ZNF143: variants seen among roughly 807,000 people sequenced by gnomAD.
ZNF143 encodes the protein SPH-binding factor.
Under a neutral mutation model 74.1 loss-of-function variants are expected in ZNF143, and 49 were observed. The observed-to-expected ratio is 0.66, with a 90% CI of 0.53 to 0.84. The LOEUF (loss-of-function observed/expected upper bound fraction) is 0.84. ZNF143 is among the 40% of genes least tolerant of loss of function. The pLI, the probability that ZNF143 is intolerant of heterozygous loss-of-function variation, is 0.00. For missense variants in ZNF143, 637 were observed against 793.4 expected, an observed-to-expected ratio of 0.80 and a Z score of 2.37; for synonymous variants, 304 against 282.8, an observed-to-expected ratio of 1.07 and a Z score of -0.75.
chr11:9,479,903 C>T (rs761183077), intron 7 of ZNF143, among the ~76,000 whole-genome samples: 3 of 152,222 alleles, frequency 2.0e-5, no homozygotes, highest in Non-Finnish European at 2.9e-5. Context: ...CATCATGACT[C>T]TTTCTAAATA....
intron 7 of ZNF143, 31 bp downstream of exon 7, chr11:9,479,577 C>T (rs1847158476): frequency 5.1e-6 from 8 of 1,577,622 alleles, no homozygotes; most frequent in Non-Finnish European, 6.9e-6. Flanking sequence ...ATATAAAAAT[C>T]TAGCTTAGCA....
At chr11:9,521,437 G>T (rs1010060128) in intron 14 of ZNF143, among the ~76,000 whole-genome samples, 3 of 152,070 alleles carry the variant, frequency 2.0e-5, no homozygotes, top group African/African-American at 7.2e-5. Context: ...AAAACAAGTT[G>T]GGAAGTGTTC....
At position 9,462,421 on chromosome 11, in the gene ZNF143, A is replaced by T. The variant is rs370827480; in HGVS notation, c.-8+1345A>T. On this transcript the variant is annotated intron_variant, in intron 1 of 15. Coordinates refer to ENST00000396602, the MANE Select transcript of ZNF143 (RefSeq NM_003442.6). The stretch of plus-strand genomic sequence containing the variant: ...GTTTCTACAAAAAAAATTTTTTTTA[A>T]GTGAAATCAGCGTGTGCCTGTAGTC... Among the ~76,000 whole-genome samples the T allele has an allele frequency of 1.6e-4, 24 of 152,166 alleles. No homozygotes were observed. In the East Asian group the frequency reaches 2.1e-3, roughly 13 times the overall value.
chr11:9,465,099 T>C (rs1338380275), intron 1 of ZNF143, among the ~76,000 whole-genome samples: 4 of 152,204 alleles, frequency 2.6e-5, no homozygotes, highest in Non-Finnish European at 5.9e-5. Flanking sequence ...AAATTTTGTA[T>C]GTATGTGGAT....
chr11:9,465,947 C>T (rs1037989669), intron 1 of ZNF143, among the ~76,000 whole-genome samples: 3 of 151,832 alleles, frequency 2.0e-5, no homozygotes, highest in African/African-American at 7.3e-5. Flanking sequence ...TTCTCCTCAG[C>T]CTCCCAAGTG....
chr11:9,495,427 C>T (rs1242856325), intron 8 of ZNF143, among the ~76,000 whole-genome samples: 4 of 152,018 alleles, frequency 2.6e-5, no homozygotes, highest in East Asian at 3.9e-4. Context: ...GGCAACAGAG[C>T]GAAACTCCAT....
chr11:9,521,279 C>T (rs1200401779), intron 14 of ZNF143, among the ~76,000 whole-genome samples: 2 of 152,142 alleles, frequency 1.3e-5, no homozygotes, highest in Non-Finnish European at 2.9e-5. Flanking sequence ...ATTTTTACTG[C>T]CCTTAAAATC....
intron 10 of ZNF143, among the ~76,000 whole-genome samples, chr11:9,499,282 A>G (rs1000326542): frequency 2.0e-5 from 3 of 152,150 alleles, no homozygotes; most frequent in Admixed American, 6.5e-5. Context: ...GAGTAGTAAT[A>G]CAGTGAAAAT....
intron 7 of ZNF143, among the ~76,000 whole-genome samples, chr11:9,494,010 G>A (rs1381331414): frequency 3.3e-5 from 5 of 152,146 alleles, no homozygotes; most frequent in Admixed American, 2.0e-4. Context: ...AAAAAAGGCA[G>A]GTAGATGGAT....
At chr11:9,482,265 C>T (rs1320518806) in intron 7 of ZNF143, among the ~76,000 whole-genome samples, 1 of 144,416 alleles carries the variant, frequency 6.9e-6, no homozygotes, top group East Asian at 2.0e-4. Flanking sequence ...CTACTGTACC[C>T]GGCCCCAACT....
chr11:9,487,741 T>G (rs1007708576), intron 7 of ZNF143, among the ~76,000 whole-genome samples: 18 of 152,232 alleles, frequency 1.2e-4, no homozygotes, highest in African/African-American at 4.3e-4. Context: ...AGAAGCTGAT[T>G]AGTATTTCAC....
At chr11:9,494,801 A>C (rs1847903819) in intron 8 of ZNF143, 36 bp downstream of exon 8, 1 of 1,560,752 alleles carries the variant, frequency 6.4e-7, no homozygotes, top group Non-Finnish European at 8.8e-7. Flanking sequence ...TAGTTATGAG[A>C]ATACCTAGGA....
intron 1 of ZNF143, among the ~76,000 whole-genome samples, chr11:9,470,632 T>G (rs2133853868): frequency 6.6e-6 from 1 of 152,052 alleles, no homozygotes; most frequent in Non-Finnish European, 1.5e-5. Flanking sequence ...GTGGAGTGAA[T>G]GAGATGGTGA....
At chr11:9,464,110 G>T in intron 1 of ZNF143, among the ~76,000 whole-genome samples, 1 of 151,018 alleles carries the variant, frequency 6.6e-6, no homozygotes, top group African/African-American at 2.5e-5. Flanking sequence ...GTGTGTGTGT[G>T]TGTGTATTTG....
At chr11:9,467,775 T>C (rs1856330192) in intron 1 of ZNF143, among the ~76,000 whole-genome samples, 1 of 137,752 alleles carries the variant, frequency 7.3e-6, no homozygotes, top group Non-Finnish European at 1.5e-5. Context: ...ACTTGGGAGG[T>C]GGAAGTTACA....
intron 6 of ZNF143, 138 bp downstream of exon 6, chr11:9,478,724 C>G: frequency 1.1e-6 from 1 of 896,806 alleles, no homozygotes; most frequent in Non-Finnish European, 1.6e-6. Flanking sequence ...TGGCTCACGC[C>G]TATAACTTCC....
At chr11:9,517,285 T>C (rs998062683) in intron 14 of ZNF143, among the ~76,000 whole-genome samples, 2 of 152,188 alleles carry the variant, frequency 1.3e-5, no homozygotes, top group Admixed American at 6.5e-5. Flanking sequence ...TTTCATTATA[T>C]AGAGAACTTC....
At chr11:9,488,462 C>T (rs527717129) in intron 7 of ZNF143, among the ~76,000 whole-genome samples, 2 of 152,100 alleles carry the variant, frequency 1.3e-5, no homozygotes, top group African/African-American at 4.8e-5. Flanking sequence ...ATGTTGTTTC[C>T]ACTTCTTCTA....
chr11:9,510,065 C>T (rs1337520447), intron 12 of ZNF143, among the ~76,000 whole-genome samples: 1 of 151,908 alleles, frequency 6.6e-6, no homozygotes, highest in Admixed American at 6.6e-5. Flanking sequence ...TTCTAAGCTT[C>T]CTCAAGTCTC....
Sources: allele counts gnomAD v4.1 joint callset (sites outside exome capture counted in the v4.1 genomes callset), GRCh38; gene constraint gnomAD v4.1.1; transcripts MANE v1.5; gene names NCBI Gene and HGNC (gene_info 2026-07-23, HGNC 2026-07-21).